Variants in CAPN9 observed in about 807,000 individuals in gnomAD.
The protein encoded by CAPN9 is calpain 9, also known as calpain-9.
Under a neutral mutation model 92.8 loss-of-function variants are expected in CAPN9, and 81 were observed. That is an observed-to-expected ratio of 0.87 (90% CI 0.73 to 1.05). The LOEUF is 1.05. CAPN9 is among the 50% of genes least tolerant of loss of function. The probability of loss-of-function intolerance (pLI) is 0.00; values close to 1 mark genes in which losing one functional copy is unlikely to be tolerated. For synonymous variants in CAPN9, 304 were observed against 328.0 expected (o/e 0.93, Z 0.79); for missense variants, 848 against 866.2 (o/e 0.98, Z 0.26).
chr1:230,798,054 G>T, intron 18 of CAPN9, 108 bp from the exon 19 acceptor site: 1 of 771,368 alleles, frequency 1.3e-6, no homozygotes, highest in Non-Finnish European at 2.3e-6. Context: ...CCACCAGATG[G>T]AGCAGCTTCC....
At chr1:230,761,182 C>T (rs1197773192) in intron 3 of CAPN9, among the ~76,000 whole-genome samples, 1 of 152,116 alleles carries the variant, frequency 6.6e-6, no homozygotes, top group Admixed American at 6.5e-5. Flanking sequence ...CCCGCAATAA[C>T]AATACTCCGC....
chr1:230,790,225 A>G (rs1667887621), intron 14 of CAPN9, 36 bp downstream of exon 14: 1 of 1,612,312 alleles, frequency 6.2e-7, no homozygotes, highest in South Asian at 1.1e-5. Flanking sequence ...TGGGGCACCT[A>G]TGGAGGGACA....
rs776780620 is a variant in CAPN9 at position 230,747,619 on chromosome 1, C to A, written c.123C>A (p.Thr41=). ...QMRQECLQRG[T]LFEDADFPAS... ...GGCAGGAGTGCCTGCAGAGAGGCAC[C>A]CTGTTTGAGGATGCAGACTTCCCAG... The change falls in exon 1 of 20, where the codon ACC becomes ACA. Residue 41 remains threonine (T), a synonymous_variant. Transcript: ENST00000271971. 6.2e-7 allele frequency: 1 copy of A among 1,614,020 alleles called. No homozygotes were observed. The highest frequency in any genetic ancestry group is 8.5e-7 in the Non-Finnish European group (1 of 1,179,950).
In CAPN9 at chr1:230,779,008, A is replaced by G. The variant is rs377433609; in HGVS notation, c.989A>G (p.Lys330Arg). The change falls in exon 9 of 20, where the codon AAA becomes AGA. Residue 330 changes from lysine (K) to arginine (R), a missense_variant. Lys to Arg is a conservative substitution (Grantham distance 26). Coordinates refer to ENST00000271971, the MANE Select transcript of CAPN9 (RefSeq NM_006615.3). ...AAGGACTTCAAGGCCCACTTTGATAAAGTGGAGATCTGCAACCTCACTCCC... is the reference window on the plus strand; with the variant it reads ...AAGGACTTCAAGGCCCACTTTGATAGAGTGGAGATCTGCAACCTCACTCCC... ...AFKDFKAHFD[K>R]VEICNLTPDA... is the part of the protein sequence containing the mutation. The G allele has an allele frequency of 1.9e-6, 3 of 1,613,716 alleles. No homozygotes were observed. The highest frequency in any genetic ancestry group is 2.5e-6 in the Non-Finnish European group (3 of 1,179,946).
intron 17 of CAPN9, among the ~76,000 whole-genome samples, chr1:230,793,823 T>C (rs897919596): frequency 2.6e-5 from 4 of 152,146 alleles, no homozygotes; most frequent in Non-Finnish European, 4.4e-5. Flanking sequence ...CTGATTTTCT[T>C]AGGGGATGAT....
chr1:230,792,791 C>T lies in CAPN9; in HGVS notation c.1792-59C>T, dbSNP rs1572091074. On this transcript the variant is annotated intron_variant, in intron 16 of 19. Transcript: ENST00000271971. ...CGGGCTGGCTGTCACCCATTTACTG[C>T]CATCAGCGATGCCTTTCAGGCACGC... 4 of 1,415,226 alleles carry T rather than the reference C, an allele frequency of 2.8e-6. No individual in the cohort carries two copies. In the East Asian group the frequency reaches 6.8e-5, roughly 24 times the overall value. The allele number at this position is 1,415,226 out of a possible 1,614,324, so 87.7% of individuals were successfully genotyped here.
chr1:230,800,404 C>G (rs1453846659), intron 19 of CAPN9, among the ~76,000 whole-genome samples: 1 of 152,036 alleles, frequency 6.6e-6, no homozygotes, highest in East Asian at 1.9e-4. Flanking sequence ...AGTGTGATGG[C>G]TGCCCCTGGT....
intron 7 of CAPN9, among the ~76,000 whole-genome samples, chr1:230,773,957 T>C (rs2102878439): frequency 6.6e-6 from 1 of 152,264 alleles, no homozygotes; most frequent in African/African-American, 2.4e-5. Flanking sequence ...CAGGCAGCCA[T>C]TCCTACCCCT....
At chr1:230,776,362 A>G (rs1207113713) in intron 8 of CAPN9, 1 of 152,198 alleles carries the variant, frequency 6.6e-6, no homozygotes, top group Non-Finnish European at 1.5e-5. Flanking sequence ...AGGATTCAAC[A>G]TATGAATTTA....
At chr1:230,790,774 T>C (rs371341468) in intron 14 of CAPN9, among the ~76,000 whole-genome samples, 3 of 152,266 alleles carry the variant, frequency 2.0e-5, no homozygotes, top group South Asian at 4.2e-4. Context: ...ACCCCATCTC[T>C]ACTAAAAATA....
At chr1:230,784,332 C>T (rs974105052) in intron 11 of CAPN9, among the ~76,000 whole-genome samples, 1 of 152,222 alleles carries the variant, frequency 6.6e-6, no homozygotes, top group African/African-American at 2.4e-5. Context: ...GAGCCAAGTG[C>T]TATAACCAAG....
intron 1 of CAPN9, among the ~76,000 whole-genome samples, chr1:230,750,023 G>A (rs1664665020): frequency 6.6e-6 from 1 of 152,122 alleles, no homozygotes; most frequent in South Asian, 2.1e-4. Context: ...TCCCCCTTCA[G>A]AAGTCTCCCC....
At chr1:230,794,496 A>G (rs1668209325) in intron 17 of CAPN9, among the ~76,000 whole-genome samples, 1 of 152,168 alleles carries the variant, frequency 6.6e-6, no homozygotes, top group Admixed American at 6.5e-5. Context: ...AAAAAAATCT[A>G]AATATCAAAT....
intron 18 of CAPN9, among the ~76,000 whole-genome samples, chr1:230,795,969 T>C (rs1668324957): frequency 6.6e-6 from 1 of 151,222 alleles, no homozygotes; most frequent in Non-Finnish European, 1.5e-5. Context: ...TTCCATTTTG[T>C]CCTGCTTGGT....
intron 6 of CAPN9, 141 bp from the exon 7 acceptor site, chr1:230,771,873 C>T: frequency 1.5e-6 from 1 of 674,470 alleles, no homozygotes; most frequent in South Asian, 1.8e-5. Flanking sequence ...CTTCTACATA[C>T]CTTCAGCAGC....
chr1:230,785,211 G>GTGA (rs1667503018), intron 11 of CAPN9, among the ~76,000 whole-genome samples: 1 of 152,212 alleles, frequency 6.6e-6, no homozygotes, highest in South Asian at 2.1e-4. Context: ...AGGCTCATAG[G>GTGA]TGATGGGACT....
At chr1:230,792,997 A>G (rs1421297191) in intron 17 of CAPN9, 69 bp downstream of exon 17, 1 of 1,169,174 alleles carries the variant, frequency 8.6e-7, no homozygotes, top group Non-Finnish European at 1.3e-6. Context: ...ACCTGAGCAG[A>G]TGGCAGGTCT....
At chr1:230,773,676 A>C (rs1666539325) in intron 7 of CAPN9, among the ~76,000 whole-genome samples, 1 of 152,156 alleles carries the variant, frequency 6.6e-6, no homozygotes, top group Non-Finnish European at 1.5e-5. Flanking sequence ...TGAGCCACTT[A>C]GGATAATGGC....
At chr1:230,752,383 T>C (rs1264739428) in intron 1 of CAPN9, among the ~76,000 whole-genome samples, 1 of 152,246 alleles carries the variant, frequency 6.6e-6, no homozygotes. Flanking sequence ...CCCCAATTTA[T>C]ACCCGATGGC....
Sources: gnomAD v4.1 joint callset for allele counts (sites outside exome capture counted in the v4.1 genomes callset) on GRCh38, gnomAD v4.1.1 for gene constraint, MANE v1.5 for transcripts, NCBI Gene and HGNC (gene_info 2026-07-23, HGNC 2026-07-21) for gene names.